RIN2: variants seen among roughly 807,000 people sequenced by gnomAD.
The protein encoded by RIN2 is RAB5 interacting protein 2.
RIN2 carries 36 observed loss-of-function variants against 78.0 expected under a neutral mutation model. The observed-to-expected ratio is 0.46, with a 90% CI of 0.35 to 0.61. The LOEUF (loss-of-function observed/expected upper bound fraction) is 0.61. Ranked by LOEUF, RIN2 falls within the 20% of genes least tolerant of loss-of-function variation. The pLI is 0.00. For missense variants in RIN2, 1,087 were observed against 1,159.7 expected, an observed-to-expected ratio of 0.94 and a Z score of 0.91; for synonymous variants, 466 against 466.8, an observed-to-expected ratio of 1.00 and a Z score of 0.02.
chr20:19,825,221 G>A (rs2036053078), intron 2 of RIN2, among the ~76,000 whole-genome samples: 1 of 152,148 alleles, frequency 6.6e-6, no homozygotes, highest in Non-Finnish European at 1.5e-5. Context: ...TATGCCTTGT[G>A]TAGTTAATCT....
chr20:19,981,421 C>A lies in RIN2; in HGVS notation c.1762+5634C>A, dbSNP rs964275313. On this transcript the variant is annotated intron_variant, in intron 9 of 12. Coordinates refer to ENST00000255006, the MANE Select transcript of RIN2 (RefSeq NM_018993.4). ...GATTCCCTTCTTTCCATACTCTGTT[C>A]TTTGGAAGCAAGTCACTTAGCACTG... 1.8e-4 allele frequency among the ~76,000 whole-genome samples: 28 copies of A among 152,202 alleles called. 1 individual carries two copies. The highest frequency in any genetic ancestry group is 6.5e-4 in the African/African-American group (27 of 41,454).
intron 1 of RIN2, among the ~76,000 whole-genome samples, chr20:19,764,247 C>T (rs2033770747): frequency 6.6e-6 from 1 of 152,206 alleles, no homozygotes; most frequent in Admixed American, 6.5e-5. Context: ...AAATACTGAA[C>T]TCCCCCATTG....
intron 2 of RIN2, among the ~76,000 whole-genome samples, chr20:19,807,643 C>G (rs1418236367): frequency 6.6e-6 from 1 of 152,086 alleles, no homozygotes; most frequent in Non-Finnish European, 1.5e-5. Context: ...AATGATCAGA[C>G]TTGGATTCAG....
intron 7 of RIN2, among the ~76,000 whole-genome samples, chr20:19,967,487 T>C (rs1421859463): frequency 6.6e-6 from 1 of 152,268 alleles, no homozygotes; most frequent in Non-Finnish European, 1.5e-5. Context: ...ATTGGATTAT[T>C]GGTTCTGGTG....
chr20:19,973,791 G>T (rs1004502453), intron 8 of RIN2, among the ~76,000 whole-genome samples: 1 of 149,982 alleles, frequency 6.7e-6, no homozygotes, highest in Non-Finnish European at 1.5e-5. Context: ...TCCGTCTCAA[G>T]GGAAAAAAAA....
At chr20:19,873,512 C>T (rs2037755396) in intron 2 of RIN2, among the ~76,000 whole-genome samples, 1 of 152,166 alleles carries the variant, frequency 6.6e-6, no homozygotes, top group African/African-American at 2.4e-5. Flanking sequence ...TCAGTTCTAC[C>T]ACTGTAGCCT....
intron 3 of RIN2, among the ~76,000 whole-genome samples, chr20:19,893,607 T>A (rs2038582916): frequency 6.6e-6 from 1 of 152,126 alleles, no homozygotes; most frequent in Admixed American, 6.5e-5. Flanking sequence ...AACACACAGA[T>A]TATCTGAGCA....
At chr20:19,780,560 G>C (rs1351699402) in intron 1 of RIN2, among the ~76,000 whole-genome samples, 1 of 152,186 alleles carries the variant, frequency 6.6e-6, no homozygotes, top group African/African-American at 2.4e-5. Context: ...AGTCCACCCA[G>C]CAGCCAACAC....
At chr20:19,781,640 C>T (rs1194996833) in intron 1 of RIN2, among the ~76,000 whole-genome samples, 11 of 152,188 alleles carry the variant, frequency 7.2e-5, no homozygotes. Context: ...GTTGGCCAGG[C>T]TGGTCTCAAA....
intron 2 of RIN2, among the ~76,000 whole-genome samples, chr20:19,817,778 T>C (rs1600526866): frequency 6.6e-6 from 1 of 152,176 alleles, no homozygotes; most frequent in African/African-American, 2.4e-5. Context: ...CCACTGACAA[T>C]GGGGCAAAGC....
At chr20:19,977,820 A>G (rs530593927) in intron 9 of RIN2, among the ~76,000 whole-genome samples, 1 of 152,252 alleles carries the variant, frequency 6.6e-6, no homozygotes, top group South Asian at 2.1e-4. Flanking sequence ...TGGCCTCCAC[A>G]AGCATTGCCA....
intron 2 of RIN2, among the ~76,000 whole-genome samples, chr20:19,841,724 TG>T (rs1260810556): frequency 6.6e-6 from 1 of 152,182 alleles, no homozygotes; most frequent in East Asian, 1.9e-4. Context: ...GTACCTACTC[TG>T]TGCAGGTCCT....
chr20:19,995,442 A>G (rs2042930163), intron 11 of RIN2, among the ~76,000 whole-genome samples: 1 of 152,158 alleles, frequency 6.6e-6, no homozygotes, highest in African/African-American at 2.4e-5. Flanking sequence ...GGAATTTTTA[A>G]TAAACATTCA....
At chr20:19,863,914 A>G (rs2037419764) in intron 2 of RIN2, among the ~76,000 whole-genome samples, 1 of 151,722 alleles carries the variant, frequency 6.6e-6, no homozygotes, top group Admixed American at 6.6e-5. Context: ...GGGCATTGCC[A>G]GGCTGTGAGA....
intron 4 of RIN2, among the ~76,000 whole-genome samples, chr20:19,954,532 G>C (rs1013471254): frequency 2.6e-5 from 4 of 152,190 alleles, no homozygotes; most frequent in African/African-American, 9.7e-5. Context: ...TCTCTGACCA[G>C]GGGCTTGACC....
intron 9 of RIN2, among the ~76,000 whole-genome samples, chr20:19,984,333 G>A (rs1404925515): frequency 6.6e-6 from 1 of 152,140 alleles, no homozygotes; most frequent in Non-Finnish European, 1.5e-5. Flanking sequence ...AGGCTATATG[G>A]TATATCCTGC....
At chr20:19,889,065 A>G (rs2038324017) in intron 2 of RIN2, 1 of 921,580 alleles carries the variant, frequency 1.1e-6, no homozygotes. Flanking sequence ...TAAGGGAAAA[A>G]TAGAGCAATT....
intron 4 of RIN2, among the ~76,000 whole-genome samples, chr20:19,947,731 G>T (rs746299434): frequency 6.6e-6 from 1 of 152,214 alleles, no homozygotes; most frequent in Non-Finnish European, 1.5e-5. Flanking sequence ...AGGATTTTTC[G>T]TAAAGACTGT....
chr20:19,882,443 AAGCTGCC>A (rs1386457963), intron 2 of RIN2, among the ~76,000 whole-genome samples: 3 of 152,190 alleles, frequency 2.0e-5, no homozygotes, highest in African/African-American at 7.2e-5. Context: ...ACAAAATCCA[AAGCTGCC>A]AGATTACAAC....
Sources: allele counts gnomAD v4.1 joint callset (sites outside exome capture counted in the v4.1 genomes callset), GRCh38; gene constraint gnomAD v4.1.1; transcripts MANE v1.5; gene names NCBI Gene and HGNC (gene_info 2026-07-23, HGNC 2026-07-21).